SPAG16: variants seen among roughly 807,000 people sequenced by gnomAD.
SPAG16 encodes the protein sperm associated antigen 16.
SPAG16 carries 86 observed loss-of-function variants against 80.4 expected under a neutral mutation model. That is an observed-to-expected ratio of 1.07 (90% CI 0.90 to 1.28). The LOEUF is 1.28. Among genes scored for constraint, SPAG16 ranks in the 50% most tolerant of loss-of-function variants. The probability of loss-of-function intolerance (pLI) is 0.00; values close to 1 mark genes in which losing one functional copy is unlikely to be tolerated. For missense variants in SPAG16, 870 were observed against 765.3 expected (o/e 1.14, Z -1.61); for synonymous variants, 294 against 265.9 (o/e 1.11, Z -1.03).
chr2:213,997,635 C>G (rs1169902364), intron 12 of SPAG16, among the ~76,000 whole-genome samples: 1 of 152,168 alleles, frequency 6.6e-6, no homozygotes, highest in East Asian at 1.9e-4. Flanking sequence ...CTTTTGCTGA[C>G]ATTTTAAAGA....
At chr2:213,674,520 G>T (rs199628324) in intron 10 of SPAG16, among the ~76,000 whole-genome samples, 1 of 150,118 alleles carries the variant, frequency 6.7e-6, no homozygotes, top group African/African-American at 2.5e-5. Flanking sequence ...ATCTCCCAAT[G>T]CTATCCCTCC....
chr2:213,614,070 A>T (rs940878982), intron 10 of SPAG16, among the ~76,000 whole-genome samples: 1 of 152,182 alleles, frequency 6.6e-6, no homozygotes, highest in African/African-American at 2.4e-5. Context: ...AACATTTTGA[A>T]TTGAGGGTAT....
At chr2:213,393,114 C>T (rs1214841064) in intron 9 of SPAG16, among the ~76,000 whole-genome samples, 2 of 151,674 alleles carry the variant, frequency 1.3e-5, no homozygotes, top group Admixed American at 6.6e-5. Flanking sequence ...ACTAATTATT[C>T]TTAGGTTTTA....
intron 10 of SPAG16, among the ~76,000 whole-genome samples, chr2:213,678,681 C>T (rs896753651): frequency 3.3e-5 from 5 of 152,130 alleles, no homozygotes; most frequent in African/African-American, 1.2e-4. Context: ...CCTCCTACTG[C>T]AGAAAGCTCA....
intron 15 of SPAG16, among the ~76,000 whole-genome samples, chr2:214,265,134 T>C (rs1363158340): frequency 6.6e-6 from 1 of 152,150 alleles, no homozygotes; most frequent in Non-Finnish European, 1.5e-5. Context: ...ACAATATTGA[T>C]GAATCATATG....
chr2:214,239,862 G>A (rs571456810), intron 15 of SPAG16: 2 of 152,102 alleles, frequency 1.3e-5, no homozygotes, highest in South Asian at 4.1e-4. Context: ...GCATATGCAC[G>A]CTTCTGCTTT....
chr2:214,401,231 A>G (rs375823932), intron 15 of SPAG16, among the ~76,000 whole-genome samples: 114 of 152,088 alleles, frequency 7.5e-4, no homozygotes, highest in African/African-American at 2.5e-3. Flanking sequence ...TTAAAGAAAC[A>G]GCAGATGCCT....
At chr2:214,088,427 T>G (rs2051930990) in intron 13 of SPAG16, among the ~76,000 whole-genome samples, 1 of 152,102 alleles carries the variant, frequency 6.6e-6, no homozygotes, top group Non-Finnish European at 1.5e-5. Flanking sequence ...CTCACAGAAC[T>G]ATGTTTATTC....
At chr2:213,320,457 G>A (rs1246010387) in intron 5 of SPAG16, among the ~76,000 whole-genome samples, 1 of 151,804 alleles carries the variant, frequency 6.6e-6, no homozygotes, top group Non-Finnish European at 1.5e-5. Context: ...ATAAATTATT[G>A]TTAACTGTAG....
intron 5 of SPAG16, among the ~76,000 whole-genome samples, chr2:213,324,880 C>T (rs987519589): frequency 4.6e-5 from 7 of 152,110 alleles, no homozygotes; most frequent in African/African-American, 1.7e-4. Flanking sequence ...ATTCCAGTTG[C>T]TCCAAACAGC....
chr2:213,431,842 T>C (rs987058392), intron 9 of SPAG16, among the ~76,000 whole-genome samples: 11 of 152,060 alleles, frequency 7.2e-5, no homozygotes, highest in Admixed American at 2.6e-4. Context: ...ATAGACCATA[T>C]GTTAGGCCAC....
intron 9 of SPAG16, among the ~76,000 whole-genome samples, chr2:213,424,050 T>C (rs1042791461): frequency 6.6e-6 from 1 of 152,192 alleles, no homozygotes; most frequent in African/African-American, 2.4e-5. Context: ...ACAAACTTAA[T>C]TTCCTCATAT....
At chr2:214,180,872 T>C (rs7581545) in intron 15 of SPAG16, among the ~76,000 whole-genome samples, 74,054 of 151,434 alleles carry the variant, frequency 0.49, 18,311 homozygotes, top group East Asian at 0.62. Flanking sequence ...TGACCTTTAA[T>C]CTTTACCTAG....
chr2:213,946,332 C>CTCCA (rs2079466092), intron 12 of SPAG16, among the ~76,000 whole-genome samples: 51 of 151,242 alleles, frequency 3.4e-4, no homozygotes, highest in African/African-American at 9.5e-4. Context: ...CCAGGCTGGT[C>CTCCA]TTGAACTCCT....
At chr2:213,368,381 A>G (rs1467910966) in intron 8 of SPAG16, among the ~76,000 whole-genome samples, 3 of 151,886 alleles carry the variant, frequency 2.0e-5, no homozygotes, top group African/African-American at 4.8e-5. Flanking sequence ...CATGCTAAAA[A>G]CTCTCAAAAA....
At chr2:214,147,873 A>G (rs2055739588) in intron 14 of SPAG16, among the ~76,000 whole-genome samples, 2 of 152,220 alleles carry the variant, frequency 1.3e-5, no homozygotes, top group Non-Finnish European at 2.9e-5. Flanking sequence ...TTGAACTGTA[A>G]TACAGGATGT....
At chr2:213,969,009 C>T (rs2044871259) in intron 12 of SPAG16, among the ~76,000 whole-genome samples, 1 of 152,042 alleles carries the variant, frequency 6.6e-6, no homozygotes, top group Non-Finnish European at 1.5e-5. Flanking sequence ...GCTTGCAGAG[C>T]TAAGCAAGCA....
chr2:214,331,478 T>A (rs1696910105), intron 15 of SPAG16, among the ~76,000 whole-genome samples: 1 of 152,188 alleles, frequency 6.6e-6, no homozygotes, highest in Non-Finnish European at 1.5e-5. Flanking sequence ...CCACATTACT[T>A]AAAGTTACAG....
chr2:213,703,538 G>A (rs1286244153), intron 10 of SPAG16, among the ~76,000 whole-genome samples: 1 of 152,168 alleles, frequency 6.6e-6, no homozygotes, highest in Admixed American at 6.5e-5. Flanking sequence ...CTTGATGGAA[G>A]TCTAGTCTTT....
Sources: allele counts gnomAD v4.1 joint callset (sites outside exome capture counted in the v4.1 genomes callset), GRCh38; gene constraint gnomAD v4.1.1; transcripts MANE v1.5; gene names NCBI Gene and HGNC (gene_info 2026-07-23, HGNC 2026-07-21).